Variants in ZNF644 observed in about 807,000 individuals in gnomAD.
ZNF644 encodes zinc finger motif enhancer binding protein 2.
Under a neutral mutation model 108.0 loss-of-function variants are expected in ZNF644, and 20 were observed. The ratio of observed to expected loss-of-function variants is 0.19; its 90% CI spans 0.13 to 0.27. The LOEUF (loss-of-function observed/expected upper bound fraction) is 0.27, where lower values mean the gene tolerates loss of function less well. Among genes scored for constraint, ZNF644 ranks in the 10% least tolerant of loss-of-function variants. The pLI is 1.00. For missense variants in ZNF644, 1,338 were observed against 1,548.9 expected (o/e 0.86, Z 2.29); for synonymous variants, 542 against 539.1 (o/e 1.01, Z -0.08).
intron 2 of ZNF644, among the ~76,000 whole-genome samples, chr1:90,951,528 A>G (rs1224223458): frequency 6.6e-6 from 1 of 152,158 alleles, no homozygotes; most frequent in Non-Finnish European, 1.5e-5. Context: ...AGATAGTCTC[A>G]TGGCAAACTA....
At chr1:90,953,663 C>A (rs767928345) in intron 2 of ZNF644, among the ~76,000 whole-genome samples, 29 of 152,102 alleles carry the variant, frequency 1.9e-4, no homozygotes, top group Non-Finnish European at 3.7e-4. Flanking sequence ...CACCTGTAAT[C>A]CCACACTTTG....
intron 1 of ZNF644, among the ~76,000 whole-genome samples, chr1:90,984,584 G>T (rs1656898796): frequency 6.6e-6 from 1 of 152,184 alleles, no homozygotes; most frequent in East Asian, 1.9e-4. Context: ...GTAGAGACAG[G>T]GTTTCACCAT....
At chr1:91,010,038 G>GT (rs1033085254) in intron 1 of ZNF644, among the ~76,000 whole-genome samples, 4 of 152,016 alleles carry the variant, frequency 2.6e-5, no homozygotes, top group African/African-American at 9.7e-5. Flanking sequence ...CAATCACGCT[G>GT]TATCTGGCTG....
rs561045983 is a variant in ZNF644, at chr1:90,965,167, T to A, written c.44+17143A>T. ...TAGCTAGAACTGCCTTTTAACAAAG[T>A]CCTGCAAGTGGTGGCTTAAATAACA... is the stretch of plus-strand genomic sequence containing the variant. On this transcript the variant is annotated intron_variant, in intron 2 of 5. Transcript: ENST00000337393. 2.6e-5 allele frequency among the ~76,000 whole-genome samples: 4 copies of A among 152,318 alleles called. No homozygotes were observed. In the East Asian group the frequency reaches 7.7e-4, roughly 29 times the overall value.
chr1:91,005,644 T>G (rs356350), intron 1 of ZNF644, among the ~76,000 whole-genome samples: 2 of 152,034 alleles, frequency 1.3e-5, no homozygotes, highest in Non-Finnish European at 2.9e-5. Flanking sequence ...TAAGTTAATA[T>G]GTGGAAATTA....
At chr1:90,993,342 A>G (rs1657820343) in intron 1 of ZNF644, among the ~76,000 whole-genome samples, 2 of 151,670 alleles carry the variant, frequency 1.3e-5, no homozygotes, top group African/African-American at 2.4e-5. Flanking sequence ...TGGCCAGTCA[A>G]TGCCCAAATA....
intron 2 of ZNF644, among the ~76,000 whole-genome samples, chr1:90,976,358 T>C (rs550407431): frequency 5.3e-5 from 8 of 152,340 alleles, no homozygotes; most frequent in African/African-American, 1.4e-4. Context: ...GGAATTCTAA[T>C]GACTAATGCA....
Position 90,940,295 on chromosome 1 carries a change from G to C in ZNF644, c.1059C>G (p.Asp353Glu). The change falls in exon 3 of 6, where the codon GAC (aspartate) becomes GAG (glutamate). Residue 353 changes from aspartate (D) to glutamate (E), a missense_variant. Transcript: ENST00000337393. ...GTTGGAAGGCATCCACAGATTCTAA[G>C]TCTTCATCAGTTGATTCAGGCTTCA... is the stretch of plus-strand genomic sequence containing the variant. ...SKVKPESTDEDLESVDAFQHL... is the reference protein window; with the variant it reads ...SKVKPESTDEELESVDAFQHL... 1 of 1,613,908 alleles carries C rather than the reference G, an allele frequency of 6.2e-7. No individual in the cohort carries two copies.
intron 5 of ZNF644, 55 bp downstream of exon 5, chr1:90,917,997 T>G: frequency 7.1e-7 from 1 of 1,411,458 alleles, no homozygotes; most frequent in Non-Finnish European, 1.0e-6. Flanking sequence ...ATAGCTAATA[T>G]GTTTCAAAGC....
chr1:90,986,755 A>T lies in ZNF644; in HGVS notation c.-17-4385T>A, dbSNP rs970407256. 3.9e-5 allele frequency among the ~76,000 whole-genome samples: 6 copies of T among 152,032 alleles called. 1 individual carries two copies. The highest frequency in any genetic ancestry group is 2.0e-4 in the Admixed American group (3 of 15,264). ...GAATTAACTCCGAAAGTTCAGAAAC[A>T]CATTAAAATTATATAAAAGGTAGGT... is the stretch of plus-strand genomic sequence containing the variant. On this transcript the variant is annotated intron_variant, in intron 1 of 5. Transcript: ENST00000337393.
At chr1:90,999,500 T>A (rs1173211179) in intron 1 of ZNF644, among the ~76,000 whole-genome samples, 1 of 152,254 alleles carries the variant, frequency 6.6e-6, no homozygotes, top group South Asian at 2.1e-4. Context: ...GCTGAGAGAT[T>A]TGTCACCACC....
intron 1 of ZNF644, among the ~76,000 whole-genome samples, chr1:90,986,322 C>CA (rs572501462): frequency 2.1e-5 from 3 of 144,496 alleles, no homozygotes; most frequent in Non-Finnish European, 4.6e-5. Context: ...AAAGAAAAAA[C>CA]AAAAAACAAA....
At chr1:90,986,494 GTTCA>G (rs1657112592) in intron 1 of ZNF644, among the ~76,000 whole-genome samples, 1 of 151,974 alleles carries the variant, frequency 6.6e-6, no homozygotes, top group Non-Finnish European at 1.5e-5. Flanking sequence ...GTCAATATTG[GTTCA>G]TTAACTGTAA....
chr1:90,941,228 G>T lies in ZNF644; in HGVS notation c.126C>A (p.Leu42=). 1 of 1,604,132 alleles carries T rather than the reference G, an allele frequency of 6.2e-7. No individual in the cohort carries two copies. Among genetic ancestry groups the T allele is most frequent in the East Asian group, 2.2e-5 (1 of 44,830 alleles). Reference sequence around the variant, plus strand: ...CTGAGATAAAATTGTTGTCATCTAGGAGTTCTTCTTTAGCACCAGTAATAT... The same window carrying T: ...CTGAGATAAAATTGTTGTCATCTAGTAGTTCTTCTTTAGCACCAGTAATAT... ...NTDITGAKEE[L]LDDNNFISDK... is the part of the protein sequence containing the mutation. Residue 42 remains leucine (L), a synonymous_variant, in exon 3 of 6, where the codon CTC becomes CTA. Transcript: ENST00000337393.
At position 90,940,153 on chromosome 1, in the gene ZNF644, T is replaced by C; in HGVS notation, c.1201A>G (p.Thr401Ala). The C allele has an allele frequency of 7.4e-6, 12 of 1,614,056 alleles. No homozygotes were observed. Among genetic ancestry groups the C allele is most frequent in the Non-Finnish European group, 8.5e-6 (10 of 1,179,940 alleles). ...AATGATGGCTCTTCGGTACTGAAAG[T>C]AGCAGGTGACTCAGAATCACTCTCT... ...CEESDSESPA[T>A]FSTEEPSFYP... is the part of the protein sequence containing the mutation. Residue 401 changes from threonine to alanine, a missense_variant, in exon 3 of 6, where the codon ACT becomes GCT. Thr to Ala is a moderately conservative substitution (Grantham distance 58). Transcript: ENST00000337393.
intron 1 of ZNF644, among the ~76,000 whole-genome samples, chr1:91,000,954 G>C (rs1658714005): frequency 6.6e-6 from 1 of 152,018 alleles, no homozygotes; most frequent in Non-Finnish European, 1.5e-5. Flanking sequence ...ATAAATTCCT[G>C]GACACATACA....
intron 4 of ZNF644, among the ~76,000 whole-genome samples, chr1:90,933,221 T>C (rs1216019829): frequency 7.9e-5 from 12 of 152,196 alleles, no homozygotes; most frequent in Admixed American, 6.5e-4. Flanking sequence ...TCTTGCCTTA[T>C]TGGATATTTG....
chr1:91,019,584 TG>T (rs1446224322), intron 1 of ZNF644, among the ~76,000 whole-genome samples: 1 of 152,244 alleles, frequency 6.6e-6, no homozygotes, highest in African/African-American at 2.4e-5. Context: ...TTTGTTTTTT[TG>T]TTTTGAGATG....
chr1:90,986,273 A>G (rs1019544289), intron 1 of ZNF644, among the ~76,000 whole-genome samples: 1 of 152,026 alleles, frequency 6.6e-6, no homozygotes, highest in Admixed American at 6.6e-5. Context: ...AAGATCATAG[A>G]GTATATCTGA....
Sources: gnomAD v4.1 joint callset for allele counts (sites outside exome capture counted in the v4.1 genomes callset) on GRCh38, gnomAD v4.1.1 for gene constraint, MANE v1.5 for transcripts, NCBI Gene and HGNC (gene_info 2026-07-23, HGNC 2026-07-21) for gene names.